PRKN: variants seen among roughly 807,000 people sequenced by gnomAD.
The protein encoded by PRKN is E3 ubiquitin-protein ligase parkin.
In PRKN, 56 loss-of-function variants were observed where a neutral mutation model predicts 59.5. The observed-to-expected ratio is 0.94, with a 90% CI of 0.76 to 1.18. The LOEUF is 1.18. Among genes scored for constraint, PRKN ranks in the 50% most tolerant of loss-of-function variants. PRKN has a pLI of 0.00. For missense variants in PRKN, 657 were observed against 596.4 expected (o/e 1.10, Z -1.06); for synonymous variants, 250 against 222.1 (o/e 1.13, Z -1.12).
intron 7 of PRKN, among the ~76,000 whole-genome samples, chr6:161,631,479 T>C (rs1421426139): frequency 6.6e-6 from 1 of 152,124 alleles, no homozygotes; most frequent in Non-Finnish European, 1.5e-5. Context: ...AACAAATCCA[T>C]GGCACAAATA....
At chr6:162,328,088 C>T (rs973650976) in intron 2 of PRKN, among the ~76,000 whole-genome samples, 6 of 83,034 alleles carry the variant, frequency 7.2e-5, no homozygotes, top group East Asian at 3.0e-4. Context: ...AGGTCGGGTG[C>T]GGTGGCTGAC....
At chr6:162,457,933 A>G (rs899573791) in intron 1 of PRKN, among the ~76,000 whole-genome samples, 4 of 152,008 alleles carry the variant, frequency 2.6e-5, no homozygotes, top group African/African-American at 9.7e-5. Flanking sequence ...CAGTCTGGCC[A>G]ACATGACAAA....
chr6:161,633,711 A>T (rs1435156510), intron 7 of PRKN, among the ~76,000 whole-genome samples: 1 of 152,154 alleles, frequency 6.6e-6, no homozygotes, highest in Non-Finnish European at 1.5e-5. Context: ...TTGCCACTTC[A>T]GAGTTGTTTT....
At chr6:161,915,606 A>G (rs1239935919) in intron 6 of PRKN, among the ~76,000 whole-genome samples, 1 of 152,216 alleles carries the variant, frequency 6.6e-6, no homozygotes, top group African/African-American at 2.4e-5. Flanking sequence ...AAGACCCTGA[A>G]TATGTTGTAG....
chr6:162,010,262 T>C (rs564358706), intron 5 of PRKN, among the ~76,000 whole-genome samples: 1 of 131,544 alleles, frequency 7.6e-6, no homozygotes, highest in Non-Finnish European at 1.5e-5. Flanking sequence ...TAATATATAT[T>C]TTATATATAT....
intron 2 of PRKN, among the ~76,000 whole-genome samples, chr6:162,340,707 G>A (rs768092059): frequency 2.0e-5 from 3 of 152,126 alleles, no homozygotes; most frequent in Non-Finnish European, 2.9e-5. Context: ...AAACGGTGTT[G>A]GGAAAACTGG....
In PRKN at chr6:161,431,300, TTAAA is replaced by T. The variant is rs138302127; in HGVS notation, c.1084-44427_1084-44424del. On this transcript the variant is annotated intron_variant, in intron 9 of 11. Coordinates refer to ENST00000366898, the MANE Select transcript of PRKN (RefSeq NM_004562.3). ...CTGAAGAAATGGCTTTTTCTATAAA[TTAAA>T]TAGTCTTTCAAACATAACAAATGTT... is the stretch of plus-strand genomic sequence containing the variant. Among the ~76,000 whole-genome samples the T allele has an allele frequency of 4.3e-3, 650 of 152,216 alleles. 8 individuals carry two copies. The highest frequency in any genetic ancestry group is 0.015 in the African/African-American group (621 of 41,516).
chr6:162,063,697 A>C (rs556445856), intron 4 of PRKN, among the ~76,000 whole-genome samples: 11 of 152,168 alleles, frequency 7.2e-5, no homozygotes, highest in Non-Finnish European at 1.5e-4. Context: ...GGCATTTGCC[A>C]CCACACCCGG....
Position 162,508,750 on chromosome 6 carries a change from G to C in PRKN, c.8-65277C>G, listed in dbSNP as rs1034173721. Among the ~76,000 whole-genome samples, 6 of 151,998 alleles carry C rather than the reference G, an allele frequency of 3.9e-5. No individual in the cohort carries two copies. The East Asian group carries it at 1.2e-3, about 29-fold the overall frequency. Reference sequence around the variant, plus strand: ...TCTCAGAAGCCTCTATCTAATACTAGAAATAAGACAGAAGCTATATAAGCC... The same window carrying C: ...TCTCAGAAGCCTCTATCTAATACTACAAATAAGACAGAAGCTATATAAGCC... On this transcript the variant is annotated intron_variant, in intron 1 of 11. Coordinates refer to ENST00000366898, the MANE Select transcript of PRKN (RefSeq NM_004562.3).
At chr6:162,242,350 T>C (rs1474401955) in intron 3 of PRKN, among the ~76,000 whole-genome samples, 2 of 152,066 alleles carry the variant, frequency 1.3e-5, no homozygotes, top group Non-Finnish European at 2.9e-5. Flanking sequence ...TGGCAGAAAA[T>C]GCAGGCCAGA....
At position 162,720,963 on chromosome 6, in the gene PRKN, T is replaced by G. The variant is rs554112822; in HGVS notation, c.7+6699A>C. Among the ~76,000 whole-genome samples, 5 of 152,310 alleles carry G rather than the reference T, an allele frequency of 3.3e-5. No homozygotes were observed. The South Asian group carries it at 1.0e-3, about 32-fold the overall frequency. ...CTATTTTTGGAATACAAATAAAGCT[T>G]TAGTAACATGAAATAAAACACCTGT... On this transcript the variant is annotated intron_variant, in intron 1 of 11. Transcript: ENST00000366898.
chr6:161,931,394 C>T (rs1779166795), intron 6 of PRKN, among the ~76,000 whole-genome samples: 1 of 152,106 alleles, frequency 6.6e-6, no homozygotes, highest in African/African-American at 2.4e-5. Flanking sequence ...GCAGAGATCA[C>T]ACCACTGCAC....
At chr6:162,024,923 T>A (rs1161154911) in intron 5 of PRKN, among the ~76,000 whole-genome samples, 1 of 148,940 alleles carries the variant, frequency 6.7e-6, no homozygotes, top group Admixed American at 6.6e-5. Context: ...ACCAAATAAG[T>A]CTTTTTTTAT....
At chr6:161,846,006 GA>G (rs1269925676) in intron 6 of PRKN, among the ~76,000 whole-genome samples, 1 of 152,156 alleles carries the variant, frequency 6.6e-6, no homozygotes, top group Non-Finnish European at 1.5e-5. Flanking sequence ...CTCAATAGTG[GA>G]TTTTAAAAGT....
chr6:161,386,218 CTAAT>C lies in PRKN; in HGVS notation c.1167+572_1167+575del, dbSNP rs2114941546. On this transcript the variant is annotated intron_variant, in intron 10 of 11. Transcript: ENST00000366898. The surrounding 1 kb of genome is among the most constrained non-coding windows in gnomAD (Gnocchi z 4.3). ...TTTTTCCCTGAAGGTTTGGTTGATC[CTAAT>C]TAATAAATAAAATAAAATGCATTTG... 6.6e-6 allele frequency among the ~76,000 whole-genome samples: 1 copy of C among 152,228 alleles called. No homozygotes were observed. Among genetic ancestry groups the C allele is most frequent in the East Asian group, 1.9e-4 (1 of 5,164 alleles).
rs1785226509 is a variant in PRKN, at chr6:161,679,612, A to G, written c.871+106160T>C. Among the ~76,000 whole-genome samples, 5 of 147,782 alleles carry G rather than the reference A, an allele frequency of 3.4e-5. No homozygotes were observed. The South Asian group carries it at 1.1e-3, about 32-fold the overall frequency. On this transcript the variant is annotated intron_variant, in intron 7 of 11. Coordinates refer to ENST00000366898, the MANE Select transcript of PRKN (RefSeq NM_004562.3). Reference sequence around the variant, plus strand: ...AACCTAGACATCTCTAGACAGTACAAAAGTACTGGAAAATGGGGAAGCAAG... The same window carrying G: ...AACCTAGACATCTCTAGACAGTACAGAAGTACTGGAAAATGGGGAAGCAAG...
chr6:162,014,298 G>A (rs535427654), intron 5 of PRKN, among the ~76,000 whole-genome samples: 27 of 152,308 alleles, frequency 1.8e-4, no homozygotes, highest in African/African-American at 6.0e-4. Flanking sequence ...CCAGAGCCCT[G>A]CACAGTCAAG....
chr6:162,203,456 C>T (rs1465494964), intron 3 of PRKN, among the ~76,000 whole-genome samples: 8 of 152,148 alleles, frequency 5.3e-5, no homozygotes, highest in Admixed American at 5.2e-4. Context: ...GCAGCTGGGG[C>T]ATCAGGTAAA....
At chr6:161,725,064 T>C (rs1372652902) in intron 7 of PRKN, among the ~76,000 whole-genome samples, 1 of 152,208 alleles carries the variant, frequency 6.6e-6, no homozygotes, top group Non-Finnish European at 1.5e-5. Flanking sequence ...TCAAAGTTCC[T>C]TGAGGCCTCC....
Sources: gnomAD v4.1 joint callset for allele counts (sites outside exome capture counted in the v4.1 genomes callset) on GRCh38, gnomAD v4.1.1 for gene constraint, Gnocchi (gnomAD v3.1) non-coding constraint, MANE v1.5 for transcripts, NCBI Gene and HGNC (gene_info 2026-07-23, HGNC 2026-07-21) for gene names.